TRABD: variants seen among roughly 807,000 people sequenced by gnomAD.
The protein encoded by TRABD is TraB domain containing, also known as traB domain-containing protein.
TRABD carries 23 observed loss-of-function variants against 39.6 expected under a neutral mutation model. That is an observed-to-expected ratio of 0.58 (90% CI 0.42 to 0.82). The LOEUF is 0.82. Among genes scored for constraint, TRABD ranks in the 40% least tolerant of loss-of-function variants. The pLI is 0.00. For missense variants in TRABD, 487 were observed against 544.9 expected (o/e 0.89, Z 1.06); for synonymous variants, 243 against 232.1 (o/e 1.05, Z -0.43).
chr22:50,196,522 C>T (rs77364321), intron 5 of TRABD, among the ~76,000 whole-genome samples: 2,436 of 152,294 alleles, frequency 0.016, 38 homozygotes, highest in South Asian at 0.063. Flanking sequence ...CAATAGGCCT[C>T]GGGCTGTAGC....
intron 7 of TRABD, 59 bp from the exon 8 acceptor site, chr22:50,197,764 G>GGCGCCCC: frequency 7.8e-7 from 1 of 1,284,792 alleles, no homozygotes; most frequent in Non-Finnish European, 1.1e-6. Context: ...CACAGTGCCA[G>GGCGCCCC]CCCCACCCCC....
intron 1 of TRABD, among the ~76,000 whole-genome samples, chr22:50,190,845 A>T (rs2147096687): frequency 6.6e-6 from 1 of 152,230 alleles, no homozygotes; most frequent in Non-Finnish European, 1.5e-5. Context: ...ACAAAAGGGG[A>T]AGGAGGCGGC....
chr22:50,191,111 A>T lies in TRABD; in HGVS notation c.-34-1916A>T, dbSNP rs180720329. On this transcript the variant is annotated intron_variant, in intron 1 of 9. Coordinates refer to ENST00000380909, the MANE Select transcript of TRABD (RefSeq NM_001320485.2). ...TCAGCTGTCTCCTTAGTCTCAGCTGACCTCCCCCGACCATGGCCCCATTGC... is the reference window on the plus strand; with the variant it reads ...TCAGCTGTCTCCTTAGTCTCAGCTGTCCTCCCCCGACCATGGCCCCATTGC... Among the ~76,000 whole-genome samples, 100 of 149,464 alleles carry T rather than the reference A, an allele frequency of 6.7e-4. 1 individual carries two copies. The highest frequency in any genetic ancestry group is 1.5e-4 in the Non-Finnish European group (10 of 67,286).
At chr22:50,197,191 G>GCGGGGGGGGGGC in intron 5 of TRABD, 50 bp from the exon 6 acceptor site, 1 of 1,553,434 alleles carries the variant, frequency 6.4e-7, no homozygotes. Flanking sequence ...TTCCCCCAGC[G>GCGGGGGGGGGGC]CACCCCCGCA....
In TRABD at chr22:50,193,091, G is replaced by T; in HGVS notation, c.31G>T (p.Glu11Ter). 6.5e-7 allele frequency: 1 copy of T among 1,545,114 alleles called. No individual in the cohort carries two copies. The highest frequency in any genetic ancestry group is 8.7e-7 in the Non-Finnish European group (1 of 1,146,882). MDGEEQQPPH[E>*]ANVEPVVPSE... ...CGGGGAGGAGCAGCAGCCACCGCAC[G>T]AGGTGAGGTGGAGGCTGGGCTGGCT... The change falls in exon 2 of 10, where the codon GAG becomes TAG. Residue 11 changes from glutamate (E) to a stop codon, truncating the protein, a stop_gained and splice_region_variant. Transcript: ENST00000380909. LOFTEE classifies it high-confidence loss of function.
Position 50,198,308 on chromosome 22 carries a change from A to G in TRABD, c.957-37A>G. On this transcript the variant is annotated intron_variant, in intron 9 of 9. Transcript: ENST00000380909. The surrounding 1 kb of genome is among the most constrained non-coding windows in gnomAD (Gnocchi z 7.9). ...ATGGGGGCTGGGGTATGGGGAGCCC[A>G]CCCCCAGCCAGGCCCAGCGCCCCCT... The G allele has an allele frequency of 6.8e-7, 1 of 1,477,224 alleles. No homozygotes were observed. Among genetic ancestry groups the G allele is most frequent in the Non-Finnish European group, 9.1e-7 (1 of 1,094,206 alleles). 91.5% of individuals were successfully genotyped at this position (1,477,224 alleles called of 1,614,324 possible).
At chr22:50,195,671 C>T (rs2064077510) in intron 5 of TRABD, among the ~76,000 whole-genome samples, 1 of 151,904 alleles carries the variant, frequency 6.6e-6, no homozygotes, top group Admixed American at 6.6e-5. Flanking sequence ...ACCATGTTGC[C>T]CAGGTTCATC....
chr22:50,194,993 G>C lies in TRABD; in HGVS notation c.373G>C (p.Glu125Gln). 6.2e-7 allele frequency: 1 copy of C among 1,609,476 alleles called. No individual in the cohort carries two copies. ...GATGGACGAGAGCACGCTGCTGCGG[G>C]AGGCCCAGGAGCTCAGCCTGGAGAA... ...LKMDESTLLR[E>Q]AQELSLEKLQ... The change falls in exon 5 of 10, where the codon GAG becomes CAG. Residue 125 changes from glutamate to glutamine, a missense_variant. By Grantham distance (29) the Glu-to-Gln change is conservative (BLOSUM62 2). This residue lies in a region of TRABD where 358 missense variants were observed against 414.7 expected (regional missense o/e 0.86). Coordinates refer to ENST00000380909, the MANE Select transcript of TRABD (RefSeq NM_001320485.2).
intron 1 of TRABD, among the ~76,000 whole-genome samples, chr22:50,186,937 C>T (rs1237166219): frequency 6.6e-6 from 1 of 152,268 alleles, no homozygotes; most frequent in Non-Finnish European, 1.5e-5. Flanking sequence ...TGTGGAGGTG[C>T]TAAGCTCCCT....
rs748894592 is a variant in TRABD at position 50,194,331 on chromosome 22, C to G, written c.113-9C>G. The G allele has an allele frequency of 6.2e-7, 1 of 1,610,262 alleles. No individual in the cohort carries two copies. Among genetic ancestry groups the G allele is most frequent in the African/African-American group, 1.3e-5 (1 of 74,844 alleles). The stretch of plus-strand genomic sequence containing the variant: ...CCCGGCACCACAACGGCCTGTGCTG[C>G]TGTTGCAGCCGACGTGGACGCCTTC... On this transcript the variant is annotated splice_polypyrimidine_tract_variant and intron_variant, in intron 3 of 9. Transcript: ENST00000380909.
chr22:50,188,144 G>A (rs550998277), intron 1 of TRABD, among the ~76,000 whole-genome samples: 1 of 152,078 alleles, frequency 6.6e-6, no homozygotes, highest in African/African-American at 2.4e-5. Context: ...GCTGGGGGTG[G>A]TGGCGCACGC....
rs1470913219 is a variant in TRABD at position 50,194,456 on chromosome 22, G to A, written c.229G>A (p.Val77Met). 8 of 1,609,840 alleles carry A rather than the reference G, an allele frequency of 5.0e-6. No homozygotes were observed. Among genetic ancestry groups the A allele is most frequent in the African/African-American group, 4.0e-5 (3 of 74,844 alleles). ...LVAEDGSRVY[V>M]VGTAHFSDDS... ...GGCTGAGGACGGGAGCAGGGTGTAC[G>A]TGGTGGGGACAGCCCACTTCAGCGA... The change falls in exon 4 of 10, where the codon GTG becomes ATG. Residue 77 changes from valine to methionine, a missense_variant. Coordinates refer to ENST00000380909, the MANE Select transcript of TRABD (RefSeq NM_001320485.2).
rs2064189507 is a variant in TRABD at position 50,198,116 on chromosome 22, G to A, written c.886G>A (p.Val296Met). 3.7e-6 allele frequency: 6 copies of A among 1,612,706 alleles called. No individual in the cohort carries two copies. The highest frequency in any genetic ancestry group is 1.1e-5 in the South Asian group (1 of 91,060). Residue 296 changes from valine (V) to methionine (M), a missense_variant, in exon 9 of 10, where the codon GTG becomes ATG. This residue lies in a region of TRABD where 6 missense variants were observed against 21.9 expected (regional missense o/e 0.27). Transcript: ENST00000380909. This position sits in a 1 kb window ranked among gnomAD's most constrained non-coding sequence, Gnocchi z 7.9. ...KCVPSVVVGV[V>M]GMGHVPGIEK... ...CGTCCCCTCCGTGGTCGTGGGCGTC[G>A]TGGGCATGGGCCACGTGCCTGGCAT...
chr22:50,186,287 C>T (rs1022256330), intron 1 of TRABD, among the ~76,000 whole-genome samples: 13 of 103,046 alleles, frequency 1.3e-4, no homozygotes, highest in African/African-American at 5.1e-4. Context: ...GGGCCCGGGT[C>T]AGGTTTGGGG....
chr22:50,187,627 G>A (rs1220435743), intron 1 of TRABD, among the ~76,000 whole-genome samples: 1 of 152,234 alleles, frequency 6.6e-6, no homozygotes, highest in Non-Finnish European at 1.5e-5. Context: ...AAGGGGATAA[G>A]ATGGGTGTCT....
chr22:50,194,524 C>T lies in TRABD; in HGVS notation c.279+18C>T. 6.4e-7 allele frequency: 1 copy of T among 1,560,260 alleles called. No individual in the cohort carries two copies. Among genetic ancestry groups the T allele is most frequent in the Non-Finnish European group, 8.7e-7 (1 of 1,152,470 alleles). Reference sequence around the variant, plus strand: ...TTGTGAAGGTGAGCGCCGCCACCCGCCACATCCCGGACACGGGTTGGTGTA... The same window carrying T: ...TTGTGAAGGTGAGCGCCGCCACCCGTCACATCCCGGACACGGGTTGGTGTA... On this transcript the variant is annotated intron_variant, in intron 4 of 9. Transcript: ENST00000380909.
Position 50,197,981 on chromosome 22 carries a change from C to G in TRABD, c.830C>G (p.Pro277Arg), listed in dbSNP as rs1321116318. Residue 277 changes from proline (P) to arginine (R), a missense_variant, in exon 8 of 10, where the codon CCT becomes CGT. Transcript: ENST00000380909. ...CAGGCCGCGCGGCGCCTCGAGCTGC[C>G]TCGGGCCTCTGACGGTGACGGCCGC... is the stretch of plus-strand genomic sequence containing the variant. ...LRQAARRLEL[P>R]RASDAEPRKC... is the part of the protein sequence containing the mutation. 6.2e-7 allele frequency: 1 copy of G among 1,612,088 alleles called. No homozygotes were observed. Among genetic ancestry groups the G allele is most frequent in the Admixed American group, 1.7e-5 (1 of 59,964 alleles).
intron 5 of TRABD, among the ~76,000 whole-genome samples, chr22:50,196,035 G>A (rs1404827013): frequency 6.6e-6 from 1 of 152,230 alleles, no homozygotes; most frequent in African/African-American, 2.4e-5. Flanking sequence ...TGATCTCGAA[G>A]GGGCATAGAA....
intron 1 of TRABD, among the ~76,000 whole-genome samples, chr22:50,192,776 C>G (rs1254550621): frequency 6.6e-6 from 1 of 152,112 alleles, no homozygotes; most frequent in Admixed American, 6.6e-5. Context: ...AGCAACCCGC[C>G]CTGGGCCCGT....
Sources: allele counts gnomAD v4.1 joint callset (sites outside exome capture counted in the v4.1 genomes callset), GRCh38; gene constraint gnomAD v4.1.1; regional missense constraint gnomAD v4.1.1; non-coding constraint Gnocchi (gnomAD v3.1); transcripts MANE v1.5; gene names NCBI Gene and HGNC (gene_info 2026-07-23, HGNC 2026-07-21).